The following HECTD2 variants were observed in gnomAD, a reference collection of about 807,000 sequenced individuals.
HECTD2 encodes probable E3 ubiquitin-protein ligase HECTD2.
In HECTD2, 35 loss-of-function variants were observed where a neutral mutation model predicts 103.2. The ratio of observed to expected loss-of-function variants is 0.34; its 90% confidence interval spans 0.26 to 0.45. The LOEUF is 0.45. Ranked by LOEUF, HECTD2 falls within the 20% of genes least tolerant of loss-of-function variation. The pLI, the probability that HECTD2 is intolerant of heterozygous loss-of-function variation, is 1.00. For missense variants in HECTD2, 596 were observed against 937.4 expected, an observed-to-expected ratio of 0.64 and a Z score of 4.76; for synonymous variants, 281 against 329.9, an observed-to-expected ratio of 0.85 and a Z score of 1.61.
At chr10:91,451,754 G>A (rs1844839098) in intron 2 of HECTD2, among the ~76,000 whole-genome samples, 1 of 152,112 alleles carries the variant, frequency 6.6e-6, no homozygotes, top group Non-Finnish European at 1.5e-5. Context: ...TAAAGTTGAT[G>A]GTAGAGCCAA....
intron 2 of HECTD2, among the ~76,000 whole-genome samples, chr10:91,456,525 C>T (rs935863086): frequency 6.6e-6 from 1 of 152,042 alleles, no homozygotes; most frequent in Non-Finnish European, 1.5e-5. Context: ...TCTGCAAACA[C>T]GGACAATTTG....
intron 2 of HECTD2, among the ~76,000 whole-genome samples, chr10:91,453,041 A>T (rs978386584): frequency 1.3e-5 from 2 of 152,144 alleles, no homozygotes; most frequent in Non-Finnish European, 2.9e-5. Context: ...AATACAATAG[A>T]CTTTTCTTCT....
At chr10:91,501,014 A>T (rs953896314) in intron 19 of HECTD2, among the ~76,000 whole-genome samples, 177 bp from the exon 20 acceptor site, 16 of 152,116 alleles carry the variant, frequency 1.1e-4, no homozygotes, top group African/African-American at 3.9e-4. Context: ...ATATTATTTT[A>T]TAATGTTAGT....
chr10:91,486,811 A>G (rs771011742), intron 10 of HECTD2: 3 of 151,970 alleles, frequency 2.0e-5, no homozygotes, highest in Non-Finnish European at 4.4e-5. Context: ...TTTATTAACA[A>G]TTTTGTCCCA....
chr10:91,410,244 G>A (rs1445981618), upstream of HECTD2: 1 of 153,028 alleles, frequency 6.5e-6, no homozygotes, highest in Non-Finnish European at 1.4e-5. Context: ...CGCGTCCGCG[G>A]GGCTGGCGCG....
chr10:91,467,157 T>G (rs1352998964), intron 5 of HECTD2, among the ~76,000 whole-genome samples: 1 of 151,720 alleles, frequency 6.6e-6, no homozygotes, highest in African/African-American at 2.4e-5. Context: ...AAAGGGTGAG[T>G]TGAACAGGCA....
chr10:91,431,290 T>G lies in HECTD2; in HGVS notation c.268+5880T>G, dbSNP rs80200256. On this transcript the variant is annotated intron_variant, in intron 2 of 20. Transcript: ENST00000298068. ...GCTTCCCTTTGTGGGTAACCCAACC[T>G]TTCTCTCTGGCTTCCCTTAACATTT... Among the ~76,000 whole-genome samples the G allele has an allele frequency of 6.7e-4, 101 of 151,632 alleles. 2 individuals carry two copies. The East Asian group carries it at 9.6e-3, about 14-fold the overall frequency.
intron 2 of HECTD2, among the ~76,000 whole-genome samples, chr10:91,441,907 T>TTTTTTTTTTTTTTG (rs1243267576): frequency 2.4e-5 from 3 of 123,004 alleles, no homozygotes; most frequent in African/African-American, 8.7e-5. Flanking sequence ...TTTTTTTTTT[T>TTTTTTTTTTTTTTG]CTTTTTTTTT....
intron 2 of HECTD2, among the ~76,000 whole-genome samples, chr10:91,450,179 A>G (rs868314385): frequency 1.5e-4 from 23 of 152,322 alleles, no homozygotes; most frequent in African/African-American, 5.3e-4. Flanking sequence ...AAACAGATAT[A>G]TAAACCAATG....
At chr10:91,424,975 A>T (rs1843500886) in intron 1 of HECTD2, among the ~76,000 whole-genome samples, 1 of 152,106 alleles carries the variant, frequency 6.6e-6, no homozygotes, top group Non-Finnish European at 1.5e-5. Context: ...TGGAGGGTGT[A>T]TAATGTGCAA....
At chr10:91,410,639 G>A in intron 1 of HECTD2, 63 bp downstream of exon 1, 3 of 1,304,748 alleles carry the variant, frequency 2.3e-6, no homozygotes, top group East Asian at 3.2e-5. Flanking sequence ...GACGGCGGCC[G>A]GGCGAGGGCC....
intron 2 of HECTD2, among the ~76,000 whole-genome samples, chr10:91,425,816 G>A (rs1478032978): frequency 6.6e-6 from 1 of 151,736 alleles, no homozygotes; most frequent in Admixed American, 6.6e-5. Context: ...TCTATTTGGA[G>A]AAAGCTATAA....
intron 12 of HECTD2, 140 bp downstream of exon 12, chr10:91,491,447 C>T (rs1205883359): frequency 2.0e-6 from 1 of 494,344 alleles, no homozygotes; most frequent in Non-Finnish European, 3.6e-6. Context: ...TTGTTGCATA[C>T]CAAGCTTCTG....
chr10:91,451,659 G>C (rs1844834313), intron 2 of HECTD2, among the ~76,000 whole-genome samples: 1 of 152,080 alleles, frequency 6.6e-6, no homozygotes, highest in South Asian at 2.1e-4. Flanking sequence ...AACCATTGCT[G>C]TTGTATAAAA....
chr10:91,446,342 T>A (rs1356318468), intron 2 of HECTD2, among the ~76,000 whole-genome samples: 1 of 104,794 alleles, frequency 9.5e-6, no homozygotes, highest in African/African-American at 3.3e-5. Flanking sequence ...AAAAAGGATG[T>A]CCACACAAAA....
intron 20 of HECTD2, among the ~76,000 whole-genome samples, chr10:91,505,049 ATACTT>A (rs1847092526): frequency 1.3e-5 from 2 of 152,120 alleles, no homozygotes; most frequent in Admixed American, 6.5e-5. Flanking sequence ...AAGAAATAAA[ATACTT>A]TACAGACAAG....
At chr10:91,485,325 ATT>A in intron 10 of HECTD2, 22 bp downstream of exon 10, 4 of 1,561,618 alleles carry the variant, frequency 2.6e-6, no homozygotes, top group Non-Finnish European at 3.5e-6. Flanking sequence ...AGTTCCTTTG[ATT>A]ATCCACCTAA....
In HECTD2 at chr10:91,478,189, T is replaced by C. The variant is rs533267334; in HGVS notation, c.601-12T>C. 3 of 1,592,642 alleles carry C rather than the reference T, an allele frequency of 1.9e-6. No homozygotes were observed. Among genetic ancestry groups the C allele is most frequent in the East Asian group, 2.2e-5 (1 of 44,640 alleles). ...TAATCCTAATTACCTTACTGTTTTCTTTTGCCTACAGCCTCAAGACGTTCA... is the reference window on the plus strand; with the variant it reads ...TAATCCTAATTACCTTACTGTTTTCCTTTGCCTACAGCCTCAAGACGTTCA... On this transcript the variant is annotated splice_polypyrimidine_tract_variant and intron_variant, in intron 5 of 20. Coordinates refer to ENST00000298068, the MANE Select transcript of HECTD2 (RefSeq NM_182765.6).
chr10:91,495,467 A>T (rs1206135959), intron 14 of HECTD2, among the ~76,000 whole-genome samples: 1 of 151,964 alleles, frequency 6.6e-6, no homozygotes, highest in Non-Finnish European at 1.5e-5. Flanking sequence ...ATATGTTTAG[A>T]TTTCCTTATG....
Sources: gnomAD v4.1 joint callset for allele counts (sites outside exome capture counted in the v4.1 genomes callset) on GRCh38, gnomAD v4.1.1 for gene constraint, MANE v1.5 for transcripts, NCBI Gene and HGNC (gene_info 2026-07-23, HGNC 2026-07-21) for gene names.